UNC79: variants seen among roughly 807,000 people sequenced by gnomAD.
UNC79 encodes the protein protein unc-79 homolog.
A neutral mutation model predicts 283.1 loss-of-function variants in UNC79; 37 were observed. The ratio of observed to expected loss-of-function variants is 0.13; its 90% CI spans 0.10 to 0.17. The LOEUF is 0.17. Ranked by LOEUF, UNC79 falls within the 10% of genes least tolerant of loss-of-function variation. The pLI, the probability that UNC79 is intolerant of heterozygous loss-of-function variation, is 1.00. For missense variants in UNC79, 2,272 were observed against 3,211.1 expected (o/e 0.71, Z 7.07); for synonymous variants, 1,107 against 1,200.2 (o/e 0.92, Z 1.61).
At chr14:93,439,793 A>G (rs2056226905) in intron 1 of UNC79, among the ~76,000 whole-genome samples, 1 of 152,126 alleles carries the variant, frequency 6.6e-6, no homozygotes, top group Admixed American at 6.6e-5. Flanking sequence ...TGTTCTATTT[A>G]GACTTTCTGT....
At chr14:93,686,727 C>T in intron 43 of UNC79, 66 bp downstream of exon 46, 1 of 1,579,394 alleles carries the variant, frequency 6.3e-7, no homozygotes, top group Non-Finnish European at 8.7e-7. Flanking sequence ...GAGAATTAAG[C>T]AGACCATAGG....
chr14:93,395,042 G>A (rs754766660), intron 1 of UNC79, among the ~76,000 whole-genome samples: 1 of 152,094 alleles, frequency 6.6e-6, no homozygotes, highest in Non-Finnish European at 1.5e-5. Context: ...AAAAGAAAGA[G>A]TTACAAACAA....
At chr14:93,417,491 T>C (rs946555038) in intron 1 of UNC79, among the ~76,000 whole-genome samples, 5 of 152,116 alleles carry the variant, frequency 3.3e-5, no homozygotes, top group Admixed American at 6.6e-5. Flanking sequence ...AATCTGACAA[T>C]TATGTGTCTT....
At chr14:93,584,965 A>G (rs1423994927) in intron 20 of UNC79, among the ~76,000 whole-genome samples, 2 of 151,864 alleles carry the variant, frequency 1.3e-5, no homozygotes, top group Admixed American at 6.6e-5. Context: ...CCAAAGTGCT[A>G]GGATTACAGG....
intron 1 of UNC79, among the ~76,000 whole-genome samples, chr14:93,459,959 C>G (rs568283572): frequency 1.8e-5 from 2 of 112,130 alleles, no homozygotes; most frequent in Admixed American, 9.3e-5. Flanking sequence ...CATGAGCCAC[C>G]GCGCCCGGCC....
chr14:93,405,734 G>A (rs1220548309), intron 1 of UNC79, among the ~76,000 whole-genome samples: 2 of 152,156 alleles, frequency 1.3e-5, no homozygotes, highest in African/African-American at 4.8e-5. Flanking sequence ...AAAATATTCA[G>A]AATCAAATGA....
Position 93,580,139 on chromosome 14 carries a change from T to C in UNC79, c.2434-10T>C. 2 of 1,602,724 alleles carry C rather than the reference T, an allele frequency of 1.2e-6. No homozygotes were observed. Among genetic ancestry groups the C allele is most frequent in the Non-Finnish European group, 1.7e-6 (2 of 1,174,344 alleles). ...GTGTGTGCGTGTGTCCTTTTTTTGATGTCTTTCAGATGGAGTTACAAGATG... is the reference window on the plus strand; with the variant it reads ...GTGTGTGCGTGTGTCCTTTTTTTGACGTCTTTCAGATGGAGTTACAAGATG... On this transcript the variant is annotated splice_polypyrimidine_tract_variant and intron_variant, in intron 18 of 48. Transcript: ENST00000555664.
At chr14:93,399,861 G>T (rs897196867) in intron 1 of UNC79, among the ~76,000 whole-genome samples, 8 of 152,112 alleles carry the variant, frequency 5.3e-5, no homozygotes, top group Non-Finnish European at 8.8e-5. Context: ...TAGAAAACAG[G>T]ATATTCATTA....
chr14:93,637,165 A>T (rs575314785), intron 31 of UNC79, 51 bp from the exon 35 acceptor site: 2 of 900,700 alleles, frequency 2.2e-6, no homozygotes, highest in Admixed American at 3.4e-5. Context: ...TGTGTTCTAA[A>T]TGGTGCTAAG....
intron 7 of UNC79, among the ~76,000 whole-genome samples, chr14:93,515,885 A>G (rs1160019021): frequency 2.9e-5 from 4 of 137,426 alleles, no homozygotes; most frequent in Non-Finnish European, 4.8e-5. Flanking sequence ...ATTGAAATTT[A>G]TCTTTTTTTT....
At chr14:93,560,764 C>T (rs188801662) in intron 14 of UNC79, among the ~76,000 whole-genome samples, 386 of 151,524 alleles carry the variant, frequency 2.5e-3, no homozygotes, top group Non-Finnish European at 4.6e-3. Context: ...TTGTGCCAGG[C>T]AAAACTGGAA....
At chr14:93,564,242 A>G (rs2141478873) in intron 14 of UNC79, among the ~76,000 whole-genome samples, 1 of 152,290 alleles carries the variant, frequency 6.6e-6, no homozygotes, top group South Asian at 2.1e-4. Flanking sequence ...TTTAGGATCT[A>G]TGGGGTCAGC....
intron 39 of UNC79, 38 bp downstream of exon 42, chr14:93,659,299 T>C: frequency 1.3e-6 from 2 of 1,542,998 alleles, no homozygotes; most frequent in African/African-American, 1.4e-5. Flanking sequence ...AATTGGTTAG[T>C]CAGTTTTTTT....
chr14:93,393,378 A>G (rs1213737315), intron 1 of UNC79, among the ~76,000 whole-genome samples: 1 of 152,198 alleles, frequency 6.6e-6, no homozygotes, highest in African/African-American at 2.4e-5. Flanking sequence ...GCTGGTCCTT[A>G]TATTTGATGA....
At chr14:93,371,839 CAA>C (rs34540610) in intron 1 of UNC79, among the ~76,000 whole-genome samples, 1 of 140,736 alleles carries the variant, frequency 7.1e-6, no homozygotes, top group Non-Finnish European at 1.5e-5. Flanking sequence ...GACTCCGTCT[CAA>C]AAAAAAAAAC....
intron 27 of UNC79, 46 bp downstream of exon 28, chr14:93,613,129 G>C: frequency 6.2e-7 from 1 of 1,603,590 alleles, no homozygotes; most frequent in Non-Finnish European, 8.5e-7. Context: ...TATACTTTTA[G>C]TAGAAGCAAG....
chr14:93,497,060 C>A (rs1426791360), intron 6 of UNC79, 97 bp from the exon 7 acceptor site: 2 of 1,401,116 alleles, frequency 1.4e-6, no homozygotes, highest in Non-Finnish European at 1.9e-6. Context: ...ACCTCAATCC[C>A]TCCATTAGAA....
intron 41 of UNC79, among the ~76,000 whole-genome samples, chr14:93,675,458 TA>T (rs558174852): frequency 0.047 from 7,004 of 148,374 alleles, 467 homozygotes; most frequent in African/African-American, 0.15. Flanking sequence ...ACATGTAAGT[TA>T]AAAAAAAAAA....
intron 47 of UNC79, among the ~76,000 whole-genome samples, chr14:93,703,388 C>T (rs538396372): frequency 1.3e-5 from 2 of 152,320 alleles, no homozygotes; most frequent in Non-Finnish European, 2.9e-5. Flanking sequence ...TGTCTCCTAG[C>T]TTCTGGTGGT....
Sources: allele counts gnomAD v4.1 joint callset (sites outside exome capture counted in the v4.1 genomes callset), GRCh38; gene constraint gnomAD v4.1.1; transcripts MANE v1.5; gene names NCBI Gene and HGNC (gene_info 2026-07-23, HGNC 2026-07-21).